The following GRIN2A variants were observed in gnomAD, a reference collection of about 807,000 sequenced individuals.
The protein encoded by GRIN2A is glutamate ionotropic receptor NMDA type subunit 2A, also known as glutamate receptor ionotropic, NMDA 2A.
GRIN2A carries 22 observed loss-of-function variants against 113.4 expected under a neutral mutation model. The ratio of observed to expected loss-of-function variants is 0.19; its 90% CI spans 0.14 to 0.28. The LOEUF (loss-of-function observed/expected upper bound fraction) is 0.28. Among genes scored for constraint, GRIN2A ranks in the 10% least tolerant of loss-of-function variants. The pLI is 1.00. For synonymous variants in GRIN2A, 827 were observed against 738.4 expected (o/e 1.12, Z -1.94); for missense variants, 1,502 against 1,887.0 (o/e 0.80, Z 3.78).
At chr16:10,025,972 G>C (rs1212976081) in intron 2 of GRIN2A, among the ~76,000 whole-genome samples, 2 of 152,168 alleles carry the variant, frequency 1.3e-5, no homozygotes, top group Admixed American at 1.3e-4. Context: ...CGTAGCCAGG[G>C]TCCTGGAGCC....
In GRIN2A at chr16:9,841,112, G is replaced by A. The variant is rs7193290; in HGVS notation, c.1329-8C>T. 5,489 of 1,610,818 alleles carry A rather than the reference G, an allele frequency of 3.4e-3. 174 individuals carry two copies. The African/African-American group carries it at 0.064, about 19-fold the overall frequency. ...CCCTCATTGGTTGAATTGCTGTAAA[G>A]AAAAACCCCAAGACCACAGAATGTT... On this transcript the variant is annotated splice_region_variant and splice_polypyrimidine_tract_variant and intron_variant, in intron 5 of 12. Coordinates refer to ENST00000330684, the MANE Select transcript of GRIN2A (RefSeq NM_001134407.3).
At chr16:9,843,478 C>T (rs934318356) in intron 5 of GRIN2A, among the ~76,000 whole-genome samples, 11 of 152,060 alleles carry the variant, frequency 7.2e-5, no homozygotes, top group African/African-American at 1.4e-4. Context: ...TACAGGTGTG[C>T]GACACCATAC....
At chr16:10,124,251 C>A (rs2048885543) in intron 2 of GRIN2A, among the ~76,000 whole-genome samples, 1 of 152,138 alleles carries the variant, frequency 6.6e-6, no homozygotes, top group Non-Finnish European at 1.5e-5. Context: ...GCCCAGGGAG[C>A]AAACTGACCT....
chr16:10,138,627 G>A (rs1330820875), intron 2 of GRIN2A, among the ~76,000 whole-genome samples: 2 of 152,048 alleles, frequency 1.3e-5, no homozygotes, highest in African/African-American at 4.8e-5. Flanking sequence ...GGGTGGGGAC[G>A]CAGAGCCAAA....
intron 5 of GRIN2A, 74 bp from the exon 6 acceptor site, chr16:9,841,178 CT>C: frequency 7.8e-7 from 1 of 1,289,278 alleles, no homozygotes; most frequent in South Asian, 1.2e-5. Flanking sequence ...CTGTACTCTT[CT>C]CCTATTTTTC....
In GRIN2A at chr16:9,761,197, C is replaced by G. The variant is rs1900567701; in HGVS notation, c.*1952G>C. 4.3e-6 allele frequency: 1 copy of G among 231,832 alleles called. No homozygotes were observed. Among genetic ancestry groups the G allele is most frequent in the Non-Finnish European group, 8.5e-6 (1 of 117,256 alleles). 14.4% of individuals were successfully genotyped at this position (231,832 alleles called of 1,614,324 possible). A position where few individuals can be genotyped will look rare whatever the true frequency, so the allele number is the denominator to read the frequency against. On this transcript the variant is annotated 3_prime_UTR_variant, in exon 13 of 13. Coordinates refer to ENST00000330684, the MANE Select transcript of GRIN2A (RefSeq NM_001134407.3). The stretch of plus-strand genomic sequence containing the variant: ...GAACACTGTAGGTCAGGTGTACTTT[C>G]CCAAAGATGGAGCTATTCCATGCAT...
chr16:10,161,801 C>A (rs1332140755), intron 2 of GRIN2A, among the ~76,000 whole-genome samples: 1 of 152,148 alleles, frequency 6.6e-6, no homozygotes, highest in African/African-American at 2.4e-5. Context: ...AGGATGCTGG[C>A]ATTCCTTGGA....
intron 2 of GRIN2A, among the ~76,000 whole-genome samples, chr16:10,008,880 A>G (rs981489396): frequency 1.3e-5 from 2 of 152,226 alleles, no homozygotes; most frequent in Non-Finnish European, 2.9e-5. Context: ...AACAGAGCAC[A>G]GAGTTGGCTA....
chr16:10,061,882 T>C (rs185145542), intron 2 of GRIN2A, among the ~76,000 whole-genome samples: 143 of 152,274 alleles, frequency 9.4e-4, no homozygotes, highest in Non-Finnish European at 1.6e-3. Flanking sequence ...CCAATCGAAC[T>C]CAGCAGCAAA....
chr16:9,820,261 C>A (rs2042257004), intron 10 of GRIN2A, among the ~76,000 whole-genome samples: 1 of 152,212 alleles, frequency 6.6e-6, no homozygotes, highest in South Asian at 2.1e-4. Context: ...CAACCATTAT[C>A]ATCTGCATTT....
chr16:10,155,470 G>T (rs960796490), intron 2 of GRIN2A, among the ~76,000 whole-genome samples: 1 of 152,138 alleles, frequency 6.6e-6, no homozygotes, highest in Non-Finnish European at 1.5e-5. Context: ...TCTGTATGAT[G>T]GTTCAAGTTA....
intron 3 of GRIN2A, among the ~76,000 whole-genome samples, chr16:9,898,988 CCTT>C (rs2043863011): frequency 1.3e-5 from 2 of 152,244 alleles, no homozygotes; most frequent in Admixed American, 6.5e-5. Context: ...TCCACCTCCT[CCTT>C]CTCTTCTTCC....
rs542076787 is a variant in GRIN2A, at chr16:10,107,068, T to G, written c.414+72930A>C. Among the ~76,000 whole-genome samples the G allele has an allele frequency of 7.2e-5, 11 of 152,324 alleles. No individual in the cohort carries two copies. In the South Asian group the frequency reaches 2.3e-3, roughly 32 times the overall value. Reference sequence around the variant, plus strand: ...AAATCTTTACCCCTAAGGGACATCATGAAGCAAGACAAAGAATGAAATGGA... The same window carrying G: ...AAATCTTTACCCCTAAGGGACATCAGGAAGCAAGACAAAGAATGAAATGGA... On this transcript the variant is annotated intron_variant, in intron 2 of 12. Coordinates refer to ENST00000330684, the MANE Select transcript of GRIN2A (RefSeq NM_001134407.3).
At chr16:9,801,515 T>C (rs867275237) in intron 10 of GRIN2A, among the ~76,000 whole-genome samples, 2 of 152,342 alleles carry the variant, frequency 1.3e-5, no homozygotes, top group African/African-American at 2.4e-5. Flanking sequence ...ATAAGAGTTG[T>C]CCAGAAGCAG....
chr16:9,958,522 T>C (rs1567200396), intron 2 of GRIN2A, among the ~76,000 whole-genome samples: 1 of 152,246 alleles, frequency 6.6e-6, no homozygotes, highest in East Asian at 1.9e-4. Flanking sequence ...GCACAGTATG[T>C]CTGAGGTGTG....
chr16:9,899,120 A>G (rs13337835), intron 3 of GRIN2A, among the ~76,000 whole-genome samples: 4,471 of 152,126 alleles, frequency 0.029, 223 homozygotes, highest in African/African-American at 0.1. Flanking sequence ...AAAAAGTCTT[A>G]ACAGCAGAGC....
chr16:9,838,034 T>C (rs2042611266), intron 7 of GRIN2A, among the ~76,000 whole-genome samples: 1 of 152,196 alleles, frequency 6.6e-6, no homozygotes, highest in Admixed American at 6.5e-5. Flanking sequence ...AATATTTCAC[T>C]GAAGAGAACG....
At position 9,823,791 on chromosome 16, in the gene GRIN2A, G is replaced by A. The variant is rs114335990; in HGVS notation, c.2008-1367C>T. 2.5e-3 allele frequency among the ~76,000 whole-genome samples: 375 copies of A among 152,176 alleles called. 2 individuals are homozygous for A. Among genetic ancestry groups the A allele is most frequent in the African/African-American group, 8.5e-3 (351 of 41,504 alleles). On this transcript the variant is annotated intron_variant, in intron 9 of 12. Coordinates refer to ENST00000330684, the MANE Select transcript of GRIN2A (RefSeq NM_001134407.3). ...AAGCAGTGGCCCAGAATTCAAACCCGGATGCGTCTGACCACAGGCTGAGGT... is the reference window on the plus strand; with the variant it reads ...AAGCAGTGGCCCAGAATTCAAACCCAGATGCGTCTGACCACAGGCTGAGGT...
chr16:10,092,490 C>T (rs769989696), intron 2 of GRIN2A, among the ~76,000 whole-genome samples: 33 of 152,158 alleles, frequency 2.2e-4, no homozygotes, highest in Non-Finnish European at 4.0e-4. Flanking sequence ...TTTCTCTCTT[C>T]TCAAGAATAG....
Sources: allele counts gnomAD v4.1 joint callset (sites outside exome capture counted in the v4.1 genomes callset), GRCh38; gene constraint gnomAD v4.1.1; transcripts MANE v1.5; gene names NCBI Gene and HGNC (gene_info 2026-07-23, HGNC 2026-07-21).